The following ZIM2 variants were observed in gnomAD, a reference collection of about 807,000 sequenced individuals.
The protein encoded by ZIM2 is zinc finger protein 656.
In ZIM2, 14 loss-of-function variants were observed where a neutral mutation model predicts 38.6. The observed-to-expected ratio is 0.36, with a 90% CI of 0.24 to 0.57. ZIM2 has a LOEUF of 0.57. Among genes scored for constraint, ZIM2 ranks in the 20% least tolerant of loss-of-function variants. The pLI, the probability that ZIM2 is intolerant of heterozygous loss-of-function variation, is 0.81. For synonymous variants in ZIM2, 247 were observed against 245.8 expected (o/e 1.00, Z -0.04); for missense variants, 680 against 695.1 (o/e 0.98, Z 0.24).
chr19:56,812,431 T>A (rs1404146027), intron 9 of ZIM2: 1 of 979,118 alleles, frequency 1.0e-6, no homozygotes, highest in East Asian at 1.1e-4. Context: ...TTTTTTTTTT[T>A]AATGCAAGTT....
chr19:56,823,718 C>T, intron 4 of ZIM2, 39 bp from the exon 5 acceptor site: 1 of 1,609,224 alleles, frequency 6.2e-7, no homozygotes, highest in South Asian at 1.1e-5. Context: ...ATCTCTGGCC[C>T]ACATTCTCAC....
In ZIM2 at chr19:56,820,791, C is replaced by T. The variant is rs182685667; in HGVS notation, c.294+860G>A. Among the ~76,000 whole-genome samples the T allele has an allele frequency of 2.3e-3, 355 of 152,372 alleles. 2 individuals carry two copies. The highest frequency in any genetic ancestry group is 7.5e-3 in the African/African-American group (313 of 41,594). On this transcript the variant is annotated intron_variant, in intron 7 of 12. Transcript: ENST00000629319. Reference sequence around the variant, plus strand: ...ATTTGTGCAACTGTCAAAAGCTTCTCAGGGCAGGGCCCCTCTCTGTGTTGC... The same window carrying T: ...ATTTGTGCAACTGTCAAAAGCTTCTTAGGGCAGGGCCCCTCTCTGTGTTGC...
In ZIM2 at chr19:56,839,794, C is replaced by T. The variant is rs553030912; in HGVS notation, c.-314+788G>A. Among the ~76,000 whole-genome samples, 342 of 152,230 alleles carry T rather than the reference C, an allele frequency of 2.2e-3. 1 individual carries two copies. The highest frequency in any genetic ancestry group is 8.0e-3 in the African/African-American group (331 of 41,554). On this transcript the variant is annotated intron_variant, in intron 1 of 12. Transcript: ENST00000629319. ...ACAGCGCCTGCGCGGCAAACCTCAG[C>T]CACCCTCATAAAAGATGGCACCCAG...
At chr19:56,829,942 G>A (rs572286385) in intron 2 of ZIM2, among the ~76,000 whole-genome samples, 34 of 152,350 alleles carry the variant, frequency 2.2e-4, no homozygotes, top group African/African-American at 7.7e-4. Context: ...CAGAAGATAC[G>A]TGTTTGCAGG....
At chr19:56,834,974 G>A (rs2061944063) in intron 2 of ZIM2, among the ~76,000 whole-genome samples, 2 of 152,120 alleles carry the variant, frequency 1.3e-5, no homozygotes, top group Admixed American at 6.5e-5. Flanking sequence ...CTCTAGCTAT[G>A]TGCTTGCTTC....
chr19:56,798,078 C>G (rs2047319321), intron 9 of ZIM2: 1 of 152,114 alleles, frequency 6.6e-6, no homozygotes, highest in African/African-American at 2.4e-5. Context: ...CTGGAAACTT[C>G]TTTGAAACTG....
intron 9 of ZIM2, 96 bp from the exon 10 acceptor site, chr19:56,790,047 T>A: frequency 9.8e-7 from 1 of 1,023,882 alleles, no homozygotes; most frequent in Non-Finnish European, 1.3e-6. Context: ...TGTCCTGCCA[T>A]GGGAAGGAAC....
At chr19:56,815,841 G>A (rs748422017) in intron 9 of ZIM2, 2 of 1,613,528 alleles carry the variant, frequency 1.2e-6, no homozygotes, top group Non-Finnish European at 1.7e-6. Flanking sequence ...TATCATTAAG[G>A]TCTGAGATAT....
chr19:56,796,114 A>G (rs980641698), intron 9 of ZIM2, among the ~76,000 whole-genome samples: 7 of 150,574 alleles, frequency 4.6e-5, no homozygotes, highest in African/African-American at 7.3e-5. Context: ...GAAGAAATGT[A>G]TATGTATATG....
chr19:56,806,664 T>C (rs984731455), intron 9 of ZIM2, among the ~76,000 whole-genome samples: 2 of 152,200 alleles, frequency 1.3e-5, no homozygotes, highest in African/African-American at 2.4e-5. Context: ...GTCTGAATGT[T>C]TGTGTCCCCA....
chr19:56,835,922 G>A (rs970098497), intron 2 of ZIM2, 96 bp downstream of exon 2: 4 of 444,316 alleles, frequency 9.0e-6, no homozygotes, highest in Non-Finnish European at 1.8e-5. Flanking sequence ...GGGTGGCTAT[G>A]TGGAACACAT....
At chr19:56,839,368 C>G (rs572790462) in intron 1 of ZIM2, among the ~76,000 whole-genome samples, 42 of 151,052 alleles carry the variant, frequency 2.8e-4, no homozygotes, top group African/African-American at 6.6e-4. Context: ...CCAACCAGGG[C>G]AGCACCTGCA....
intron 12 of ZIM2, 44 bp from the exon 13 acceptor site, chr19:56,775,573 A>G (rs774183131): frequency 3.9e-6 from 6 of 1,543,024 alleles, no homozygotes; most frequent in Middle Eastern, 1.8e-4. Flanking sequence ...CAATTATCCA[A>G]TCCTGCCCCC....
chr19:56,823,494 C>T (rs1396506162), intron 5 of ZIM2, 96 bp downstream of exon 5: 8 of 1,403,362 alleles, frequency 5.7e-6, no homozygotes, highest in South Asian at 3.6e-5. Flanking sequence ...TCGGGGATGG[C>T]GGGTCATCTT....
rs772449402 is a variant in ZIM2 at position 56,814,468 on chromosome 19, A to G, written c.490+3278T>C. The G allele has an allele frequency of 3.1e-6, 5 of 1,613,762 alleles. No individual in the cohort carries two copies. The highest frequency in any genetic ancestry group is 4.2e-6 in the Non-Finnish European group (5 of 1,179,662). On this transcript the variant is annotated intron_variant, in intron 9 of 12. Transcript: ENST00000629319. The surrounding 1 kb of genome is among the most constrained non-coding windows in gnomAD (Gnocchi z 5.8). The stretch of plus-strand genomic sequence containing the variant: ...TTCATAGAATGGTATAGCTCCTTTG[A>G]GGGGCTCAGTAAGAAATGAGGTGTG...
intron 6 of ZIM2, chr19:56,822,492 T>G: frequency 2.9e-6 from 1 of 350,062 alleles, no homozygotes; most frequent in Non-Finnish European, 4.8e-6. Flanking sequence ...TACAGAAACT[T>G]CCAGTTTTTT....
intron 8 of ZIM2, among the ~76,000 whole-genome samples, chr19:56,818,050 A>T (rs535496592): frequency 2.2e-4 from 33 of 152,320 alleles, no homozygotes; most frequent in Admixed American, 1.8e-3. Context: ...TCCACTCAGA[A>T]ATGTGTACAA....
chr19:56,799,199 A>C lies in ZIM2; in HGVS notation c.491-9248T>G, dbSNP rs2047376662. The C allele has an allele frequency of 2.0e-5, 3 of 152,314 alleles. No individual in the cohort carries two copies. In the South Asian group the frequency reaches 6.2e-4, roughly 32 times the overall value. 9.4% of individuals were successfully genotyped at this position (152,314 alleles called of 1,614,324 possible). ...AATAGCAAAAACATGGAATCAACCTAAATGCTCATCAATGACAGACTTGAT... is the reference window on the plus strand; with the variant it reads ...AATAGCAAAAACATGGAATCAACCTCAATGCTCATCAATGACAGACTTGAT... On this transcript the variant is annotated intron_variant, in intron 9 of 12. Transcript: ENST00000629319.
intron 9 of ZIM2, among the ~76,000 whole-genome samples, chr19:56,795,082 T>C (rs2047128946): frequency 6.6e-6 from 1 of 151,756 alleles, no homozygotes. Context: ...TGAGGCAGAG[T>C]CTCGCTCAGT....
Sources: allele counts gnomAD v4.1 joint callset (sites outside exome capture counted in the v4.1 genomes callset), GRCh38; gene constraint gnomAD v4.1.1; non-coding constraint Gnocchi (gnomAD v3.1); transcripts MANE v1.5; gene names NCBI Gene and HGNC (gene_info 2026-07-23, HGNC 2026-07-21).